The following TOPBP1 variants were observed in gnomAD, a reference collection of about 807,000 sequenced individuals.
The protein encoded by TOPBP1 is DNA topoisomerase 2-binding protein 1.
A neutral mutation model predicts 167.7 loss-of-function variants in TOPBP1; 28 were observed. The observed-to-expected ratio is 0.17, with a 90% CI of 0.12 to 0.23. TOPBP1 has a LOEUF of 0.23. Among genes scored for constraint, TOPBP1 ranks in the 10% least tolerant of loss-of-function variants. The pLI is 1.00. For missense variants in TOPBP1, 1,554 were observed against 1,809.6 expected (o/e 0.86, Z 2.56); for synonymous variants, 598 against 611.4 (o/e 0.98, Z 0.32).
At chr3:133,652,897 G>A (rs1936351853) in intron 7 of TOPBP1, among the ~76,000 whole-genome samples, 1 of 152,068 alleles carries the variant, frequency 6.6e-6, no homozygotes, top group Non-Finnish European at 1.5e-5. Flanking sequence ...CTGACTTTAA[G>A]GTCCAAGAAG....
Position 133,612,389 on chromosome 3 carries a change from C to G in TOPBP1, c.4035G>C (p.Gln1345His). The change falls in exon 24 of 28, where the codon CAG becomes CAC. Residue 1345 changes from glutamine to histidine, a missense_variant and splice_region_variant. Transcript: ENST00000260810. The stretch of plus-strand genomic sequence containing the variant: ...AACTTCCACAAATCTGAATACACAC[C>G]TGCACGAAGTGTCCAGCAGTCCTGC... ...EACRTAGHFV[Q>H]EEDYEWGSSS... 6.2e-7 allele frequency: 1 copy of G among 1,613,722 alleles called. No homozygotes were observed. The highest frequency in any genetic ancestry group is 8.5e-7 in the Non-Finnish European group (1 of 1,179,756).
At chr3:133,623,048 G>A (rs907193370) in intron 19 of TOPBP1, 43 bp downstream of exon 19, 28 of 1,272,302 alleles carry the variant, frequency 2.2e-5, no homozygotes, top group Non-Finnish European at 2.9e-5. Context: ...TTGAGACCTT[G>A]TCTCAAAAAA....
At chr3:133,652,765 T>C in intron 7 of TOPBP1, 136 bp from the exon 8 acceptor site, 2 of 654,448 alleles carry the variant, frequency 3.1e-6, no homozygotes, top group East Asian at 2.9e-5. Flanking sequence ...TTTACTGAAA[T>C]CTTAGTGGCA....
chr3:133,638,496 ATTG>A (rs1451986134), intron 13 of TOPBP1, among the ~76,000 whole-genome samples: 2 of 152,244 alleles, frequency 1.3e-5, no homozygotes, highest in African/African-American at 4.8e-5. Flanking sequence ...TTTGCCAAAA[ATTG>A]TTATCAGTGA....
chr3:133,624,159 T>A lies in TOPBP1; in HGVS notation c.2821A>T (p.Thr941Ser). 3.7e-6 allele frequency: 6 copies of A among 1,613,586 alleles called. No homozygotes were observed. Among genetic ancestry groups the A allele is most frequent in the Non-Finnish European group, 5.1e-6 (6 of 1,179,772 alleles). ...CCTTGATAGATGAAATGAGTCACTG[T>A]TTCATCAAAACTCCACCTGAAATAA... ...GADYRWSFDE[T>S]VTHFIYQGRP... Residue 941 changes from threonine to serine, a missense_variant, in exon 17 of 28, where the codon ACA becomes TCA. This residue lies in a region of TOPBP1 where 1,197 missense variants were observed against 1,351.5 expected (regional missense o/e 0.89). Coordinates refer to ENST00000260810, the MANE Select transcript of TOPBP1 (RefSeq NM_007027.4).
At chr3:133,601,718 C>A (rs773856335) in intron 27 of TOPBP1, among the ~76,000 whole-genome samples, 8 of 152,176 alleles carry the variant, frequency 5.3e-5, no homozygotes, top group Non-Finnish European at 8.8e-5. Flanking sequence ...TGTCACATAA[C>A]TAGCAGGTAG....
intron 26 of TOPBP1, 63 bp downstream of exon 26, chr3:133,608,810 C>G: frequency 6.4e-7 from 1 of 1,571,638 alleles, no homozygotes; most frequent in South Asian, 1.2e-5. Flanking sequence ...AAGAACTCAT[C>G]ATAGCAATCT....
At chr3:133,648,566 G>A (rs1362178744) in intron 10 of TOPBP1, among the ~76,000 whole-genome samples, 1 of 152,254 alleles carries the variant, frequency 6.6e-6, no homozygotes, top group Admixed American at 6.5e-5. Flanking sequence ...GGGAGGCCAA[G>A]GCGGGTGGAT....
intron 6 of TOPBP1, among the ~76,000 whole-genome samples, chr3:133,654,931 T>G (rs913577741): frequency 5.3e-5 from 8 of 152,204 alleles, no homozygotes; most frequent in Admixed American, 4.6e-4. Flanking sequence ...TATTAGTGGC[T>G]GGGCACGGTG....
chr3:133,616,274 T>C (rs949431603), intron 23 of TOPBP1, among the ~76,000 whole-genome samples: 3 of 150,104 alleles, frequency 2.0e-5, no homozygotes, highest in African/African-American at 7.3e-5. Flanking sequence ...CATGTGCCTC[T>C]ACGTCTCGCA....
intron 14 of TOPBP1, among the ~76,000 whole-genome samples, chr3:133,632,272 G>A (rs61449352): frequency 0.041 from 6,250 of 151,936 alleles, 280 homozygotes; most frequent in African/African-American, 0.11. Flanking sequence ...GGGTGTGGGG[G>A]TAGGCGCCTG....
intron 8 of TOPBP1, among the ~76,000 whole-genome samples, chr3:133,650,365 G>C (rs914302770): frequency 9.0e-6 from 1 of 111,598 alleles, no homozygotes; most frequent in Admixed American, 1.1e-4. Context: ...GTGTGTGTGT[G>C]GGGGGCGGGG....
At chr3:133,652,407 G>C in intron 8 of TOPBP1, 56 bp downstream of exon 8, 1 of 1,580,130 alleles carries the variant, frequency 6.3e-7, no homozygotes, top group Non-Finnish European at 8.6e-7. Context: ...TCAAAGTCAG[G>C]CTAGGAAATG....
intron 20 of TOPBP1, among the ~76,000 whole-genome samples, chr3:133,618,882 G>A (rs1206240177): frequency 6.6e-6 from 1 of 151,728 alleles, no homozygotes; most frequent in Non-Finnish European, 1.5e-5. Flanking sequence ...TACATGGGAG[G>A]CTTGCTGTAA....
In TOPBP1 at chr3:133,644,077, A is replaced by T; in HGVS notation, c.1791T>A (p.Pro597=). The part of the protein sequence containing the change: ...SRTVADYAVV[P]LLGCEVEATV... ...TGGCTTCCACTTCACACCCCAGCAG[A>T]GGAACCACAGCATAATCCGCAACAG... The change falls in exon 11 of 28, where the codon CCT becomes CCA. Residue 597 remains proline, a synonymous_variant. Transcript: ENST00000260810. 1 of 1,613,706 alleles carries T rather than the reference A, an allele frequency of 6.2e-7. No individual in the cohort carries two copies. Among genetic ancestry groups the T allele is most frequent in the Non-Finnish European group, 8.5e-7 (1 of 1,179,784 alleles).
Position 133,604,343 on chromosome 3 carries a change from G to C in TOPBP1, c.4426-2950C>G, listed in dbSNP as rs549923260. On this transcript the variant is annotated intron_variant, in intron 27 of 27. Transcript: ENST00000260810. The stretch of plus-strand genomic sequence containing the variant: ...GTAGAGACAGGGTTTCGCTATGTTG[G>C]CCAGGCTGGTCTCGAACCCCTGACC... Among the ~76,000 whole-genome samples, 24 of 151,588 alleles carry C rather than the reference G, an allele frequency of 1.6e-4. No homozygotes were observed. In the East Asian group the frequency reaches 4.6e-3, roughly 29 times the overall value.
At chr3:133,656,917 T>C (rs1430087084) in intron 4 of TOPBP1, 60 bp from the exon 5 acceptor site, 8 of 1,381,754 alleles carry the variant, frequency 5.8e-6, no homozygotes, top group Admixed American at 2.7e-5. Flanking sequence ...TCCACTTTTA[T>C]ACACTATCTC....
In TOPBP1 at chr3:133,638,201, T is replaced by A. The variant is rs373241770; in HGVS notation, c.2234-39A>T. 3.8e-6 allele frequency: 6 copies of A among 1,574,690 alleles called. No individual in the cohort carries two copies. In the African/African-American group the frequency reaches 5.4e-5, roughly 14 times the overall value. ...ATGAAAAGAAACAAATATGAGCCAC[T>A]AATGCCCACTTTTTCCCGGTACACA... On this transcript the variant is annotated intron_variant, in intron 13 of 27. Transcript: ENST00000260810.
intron 14 of TOPBP1, among the ~76,000 whole-genome samples, chr3:133,633,831 C>T (rs1316142445): frequency 6.6e-6 from 1 of 152,138 alleles, no homozygotes; most frequent in Admixed American, 6.6e-5. Context: ...CCTTTCTTTG[C>T]CTTCTCCTAC....
Sources: gnomAD v4.1 joint callset for allele counts (sites outside exome capture counted in the v4.1 genomes callset) on GRCh38, gnomAD v4.1.1 for gene constraint, gnomAD v4.1.1 regional missense constraint, MANE v1.5 for transcripts, NCBI Gene and HGNC (gene_info 2026-07-23, HGNC 2026-07-21) for gene names.